UGGT1: variants seen among roughly 807,000 people sequenced by gnomAD.
UGGT1 encodes the protein UDP-glucose glycoprotein glucosyltransferase 1.
A neutral mutation model predicts 203.9 loss-of-function variants in UGGT1; 107 were observed. The ratio of observed to expected loss-of-function variants is 0.52; its 90% CI spans 0.45 to 0.62. UGGT1 has a LOEUF of 0.62. Ranked by LOEUF, UGGT1 falls within the 20% of genes least tolerant of loss-of-function variation. UGGT1 has a pLI of 0.00. For synonymous variants in UGGT1, 628 were observed against 653.5 expected, an observed-to-expected ratio of 0.96 and a Z score of 0.59; for missense variants, 1,673 against 1,867.2, an observed-to-expected ratio of 0.90 and a Z score of 1.92.
In UGGT1 at chr2:128,161,255, G is replaced by T. The variant is rs780190717; in HGVS notation, c.2812G>T (p.Val938Leu). 39 of 1,613,478 alleles carry T rather than the reference G, an allele frequency of 2.4e-5. No homozygotes were observed. The highest frequency in any genetic ancestry group is 1.5e-4 in the Admixed American group (9 of 59,980). The part of the protein sequence containing the change: ...KIKSHIQQLR[V>L]EEDVASDLVM... ...AAAATCTCATATTCAACAGCTTCGGGTAGAAGAAGATGTGTAAGTTTTGCC... is the reference window on the plus strand; with the variant it reads ...AAAATCTCATATTCAACAGCTTCGGTTAGAAGAAGATGTGTAAGTTTTGCC... The change falls in exon 25 of 41, where the codon GTA becomes TTA. Residue 938 changes from valine (V) to leucine (L), a missense_variant. Coordinates refer to ENST00000259253, the MANE Select transcript of UGGT1 (RefSeq NM_020120.4).
In UGGT1 at chr2:128,152,757, C is replaced by T. The variant is rs201372680; in HGVS notation, c.2017-27C>T. 3.8e-6 allele frequency: 6 copies of T among 1,583,514 alleles called. No individual in the cohort carries two copies. The African/African-American group carries it at 5.5e-5, about 14-fold the overall frequency. On this transcript the variant is annotated intron_variant, in intron 18 of 40. Coordinates refer to ENST00000259253, the MANE Select transcript of UGGT1 (RefSeq NM_020120.4). Reference sequence around the variant, plus strand: ...TGCTAAAATTTGCTTTACCCTCCCCCCTCAACCTCCTTTTTTTTTCTTGCA... The same window carrying T: ...TGCTAAAATTTGCTTTACCCTCCCCTCTCAACCTCCTTTTTTTTTCTTGCA...
intron 3 of UGGT1, 23 bp from the exon 4 acceptor site, chr2:128,107,915 T>C (rs375375481): frequency 2.5e-6 from 4 of 1,613,890 alleles, no homozygotes; most frequent in East Asian, 2.2e-5. Context: ...GCAATTACTT[T>C]GGTTAATGTT....
chr2:128,095,281 GT>G (rs1687058080), intron 1 of UGGT1, among the ~76,000 whole-genome samples: 1 of 152,106 alleles, frequency 6.6e-6, no homozygotes, highest in Non-Finnish European at 1.5e-5. Context: ...CTCTATAGCA[GT>G]TTTTACAAAC....
At chr2:128,150,256 C>T (rs188719734) in intron 18 of UGGT1, among the ~76,000 whole-genome samples, 23 of 152,154 alleles carry the variant, frequency 1.5e-4, no homozygotes, top group Middle Eastern at 3.4e-3. Context: ...GCTAACATAA[C>T]GAGACCTCAT....
chr2:128,119,755 A>G lies in UGGT1; in HGVS notation c.873-601A>G, dbSNP rs915808997. On this transcript the variant is annotated intron_variant, in intron 8 of 40. Coordinates refer to ENST00000259253, the MANE Select transcript of UGGT1 (RefSeq NM_020120.4). ...AAAAATTTATTCCCACATACTTACAACCCAGAATAGATTGCTGTTGTCATA... is the reference window on the plus strand; with the variant it reads ...AAAAATTTATTCCCACATACTTACAGCCCAGAATAGATTGCTGTTGTCATA... Among the ~76,000 whole-genome samples, 5 of 151,944 alleles carry G rather than the reference A, an allele frequency of 3.3e-5. No homozygotes were observed. The South Asian group carries it at 6.2e-4, about 19-fold the overall frequency.
intron 12 of UGGT1, 38 bp from the exon 13 acceptor site, chr2:128,128,991 T>C: frequency 2.0e-6 from 3 of 1,493,664 alleles, no homozygotes; most frequent in African/African-American, 1.4e-5. Flanking sequence ...TAAAAGCTTT[T>C]TTTCCTAGTA....
At chr2:128,174,003 G>C (rs1691246954) in intron 30 of UGGT1, 64 bp downstream of exon 30, 10 of 1,560,966 alleles carry the variant, frequency 6.4e-6, no homozygotes, top group Non-Finnish European at 8.8e-6. Flanking sequence ...TATAATTTAT[G>C]ATGGAGCAAT....
intron 35 of UGGT1, 65 bp from the exon 36 acceptor site, chr2:128,180,825 C>T: frequency 2.0e-6 from 3 of 1,513,814 alleles, no homozygotes; most frequent in Non-Finnish European, 2.7e-6. Flanking sequence ...GGTTGGCTTA[C>T]ATTATGAAAG....
chr2:128,146,129 C>G (rs1394631081), intron 18 of UGGT1, among the ~76,000 whole-genome samples, 162 bp downstream of exon 18: 1 of 151,972 alleles, frequency 6.6e-6, no homozygotes, highest in Non-Finnish European at 1.5e-5. Context: ...GGCAATATGG[C>G]AAGACCCCAT....
chr2:128,170,533 T>A (rs1691041745), intron 27 of UGGT1, 143 bp downstream of exon 27: 1 of 659,366 alleles, frequency 1.5e-6, no homozygotes, highest in South Asian at 2.0e-5. Context: ...GAGCAATCTT[T>A]ACAAAGATTG....
At chr2:128,169,060 A>AG (rs1690951611) in intron 26 of UGGT1, among the ~76,000 whole-genome samples, 1 of 41,838 alleles carries the variant, frequency 2.4e-5, no homozygotes, top group Non-Finnish European at 5.0e-5. Flanking sequence ...AAAAAAAAAA[A>AG]AAAAAAAAAA....
chr2:128,185,395 C>T (rs928092649), intron 38 of UGGT1, among the ~76,000 whole-genome samples: 2 of 151,398 alleles, frequency 1.3e-5, no homozygotes, highest in African/African-American at 2.4e-5. Context: ...GTCTTGAACT[C>T]CTGACCTCAG....
In UGGT1 at chr2:128,097,561, C is replaced by T; in HGVS notation, c.191C>T (p.Ala64Val). The T allele has an allele frequency of 6.2e-7, 1 of 1,613,796 alleles. No homozygotes were observed. Among genetic ancestry groups the T allele is most frequent in the Non-Finnish European group, 8.5e-7 (1 of 1,179,928 alleles). ...TTTTCCACTCCATTGTTGTTAGAAG[C>T]CAGGTAAGAGAACATTTTTTTTCCC... ...KWFSTPLLLEASEFLAEDSQE... is the reference protein window; with the variant it reads ...KWFSTPLLLEVSEFLAEDSQE... The change falls in exon 2 of 41, where the codon GCC (alanine) becomes GTC (valine). Residue 64 changes from alanine to valine, a missense_variant. Transcript: ENST00000259253.
Position 128,165,026 on chromosome 2 carries a change from A to G in UGGT1, c.2921+201A>G, listed in dbSNP as rs535810687. 5.9e-5 allele frequency among the ~76,000 whole-genome samples: 9 copies of G among 152,356 alleles called. No homozygotes were observed. In the East Asian group the frequency reaches 1.3e-3, roughly 23 times the overall value. ...ATATGCAAATCTCAGTTGTATGAAAACTGACATTTATTTCTAAATGAATCT... is the reference window on the plus strand; with the variant it reads ...ATATGCAAATCTCAGTTGTATGAAAGCTGACATTTATTTCTAAATGAATCT... On this transcript the variant is annotated intron_variant, in intron 26 of 40. Coordinates refer to ENST00000259253, the MANE Select transcript of UGGT1 (RefSeq NM_020120.4).
chr2:128,179,708 C>A, intron 34 of UGGT1, 78 bp from the exon 35 acceptor site: 1 of 1,245,698 alleles, frequency 8.0e-7, no homozygotes, highest in South Asian at 1.3e-5. Flanking sequence ...ATTTAGGTGT[C>A]TCGTGATTGA....
intron 2 of UGGT1, chr2:128,103,000 T>A (rs942450996): frequency 1.7e-5 from 8 of 462,500 alleles, no homozygotes; most frequent in African/African-American, 1.6e-4. Flanking sequence ...TGATAATGGG[T>A]ATTTTCAGAA....
chr2:128,175,792 A>G (rs1214585479), intron 31 of UGGT1, among the ~76,000 whole-genome samples: 4 of 152,118 alleles, frequency 2.6e-5, no homozygotes, highest in Non-Finnish European at 4.4e-5. Flanking sequence ...CTAGCTGTTC[A>G]GGGCCCCACC....
rs909833782 is a variant in UGGT1 at position 128,176,744 on chromosome 2, A to G, written c.3540-70A>G. 17 of 1,410,246 alleles carry G rather than the reference A, an allele frequency of 1.2e-5. No individual in the cohort carries two copies. The African/African-American group carries it at 2.0e-4, about 17-fold the overall frequency. The allele number at this position is 1,410,246 out of a possible 1,614,324, so 87.4% of individuals were successfully genotyped here. ...TTTATGAGAAGGATGATGGACTCAG[A>G]TGCTCTGAGAGCATTTGCTGCCTTT... On this transcript the variant is annotated intron_variant, in intron 31 of 40. Coordinates refer to ENST00000259253, the MANE Select transcript of UGGT1 (RefSeq NM_020120.4).
intron 16 of UGGT1, among the ~76,000 whole-genome samples, chr2:128,142,158 A>G (rs1200905609): frequency 6.7e-6 from 1 of 150,042 alleles, no homozygotes; most frequent in Non-Finnish European, 1.5e-5. Flanking sequence ...CTGTTCTCGA[A>G]CTCCTGACCT....
Sources: gnomAD v4.1 joint callset for allele counts (sites outside exome capture counted in the v4.1 genomes callset) on GRCh38, gnomAD v4.1.1 for gene constraint, MANE v1.5 for transcripts, NCBI Gene and HGNC (gene_info 2026-07-23, HGNC 2026-07-21) for gene names.